SRC: variants seen among roughly 807,000 people sequenced by gnomAD.
SRC encodes proto-oncogene tyrosine-protein kinase Src.
A neutral mutation model predicts 62.9 loss-of-function variants in SRC; 13 were observed. The observed-to-expected ratio is 0.21, with a 90% CI of 0.13 to 0.33. SRC has a LOEUF of 0.33. SRC is among the 10% of genes least tolerant of loss of function. The pLI, the probability that SRC is intolerant of heterozygous loss-of-function variation, is 1.00. For synonymous variants in SRC, 302 were observed against 317.5 expected, an observed-to-expected ratio of 0.95 and a Z score of 0.52; for missense variants, 457 against 737.3, an observed-to-expected ratio of 0.62 and a Z score of 4.40.
chr20:37,354,472 TTCCA>T (rs2069851154), intron 1 of SRC, among the ~76,000 whole-genome samples: 1 of 152,216 alleles, frequency 6.6e-6, no homozygotes, highest in Non-Finnish European at 1.5e-5. Context: ...AGGGACGGAC[TTCCA>T]GGACTCAATT....
In SRC at chr20:37,396,355, A is replaced by T; in HGVS notation, c.703+44A>T. On this transcript the variant is annotated intron_variant, in intron 8 of 13. Coordinates refer to ENST00000373578, the MANE Select transcript of SRC (RefSeq NM_198291.3). This position sits in a 1 kb window ranked among gnomAD's most constrained non-coding sequence, Gnocchi z 6.1. ...GCGGAGGGCGGGCGGGCAAAGCCTCAGCTGCAGACTCTGGGGAGGGGCCTT... is the reference window on the plus strand; with the variant it reads ...GCGGAGGGCGGGCGGGCAAAGCCTCTGCTGCAGACTCTGGGGAGGGGCCTT... 6.2e-7 allele frequency: 1 copy of T among 1,605,768 alleles called. No homozygotes were observed. The highest frequency in any genetic ancestry group is 1.1e-5 in the South Asian group (1 of 90,920).
intron 1 of SRC, among the ~76,000 whole-genome samples, chr20:37,349,007 G>A (rs1568615625): frequency 6.6e-6 from 1 of 152,194 alleles, no homozygotes; most frequent in African/African-American, 2.4e-5. Context: ...GGTAGAATGA[G>A]GGGGTGTATC....
Position 37,403,206 on chromosome 20 carries a change from C to T in SRC, c.1438C>T (p.Arg480Trp), listed in dbSNP as rs1479989919. 3.8e-6 allele frequency: 6 copies of T among 1,563,676 alleles called. No individual in the cohort carries two copies. The highest frequency in any genetic ancestry group is 5.2e-6 in the Non-Finnish European group (6 of 1,158,182). The change falls in exon 14 of 14, where the codon CGG (arginine) becomes TGG (tryptophan). Residue 480 changes from arginine (R) to tryptophan (W), a missense_variant. Physicochemically the swap from Arg to Trp is moderately radical, Grantham distance 101. Coordinates refer to ENST00000373578, the MANE Select transcript of SRC (RefSeq NM_198291.3). The surrounding 1 kb of genome is among the most constrained non-coding windows in gnomAD (Gnocchi z 7.1). The stretch of plus-strand genomic sequence containing the variant: ...CCGCGAGGTGCTGGACCAGGTGGAG[C>T]GGGGCTACCGGATGCCCTGCCCGCC... ...VNREVLDQVE[R>W]GYRMPCPPEC...
chr20:37,349,762 G>T (rs1453737048), intron 1 of SRC, among the ~76,000 whole-genome samples: 1 of 152,184 alleles, frequency 6.6e-6, no homozygotes, highest in Non-Finnish European at 1.5e-5. Context: ...AGCCAAGGCC[G>T]CCAATGTGCA....
intron 1 of SRC, among the ~76,000 whole-genome samples, chr20:37,359,255 A>G (rs893624880): frequency 5.3e-5 from 8 of 152,228 alleles, no homozygotes; most frequent in African/African-American, 1.2e-4. Flanking sequence ...CCATCCCACA[A>G]ATATTTTCTG....
At chr20:37,395,170 C>T (rs191576737) in intron 7 of SRC, among the ~76,000 whole-genome samples, 26 of 152,342 alleles carry the variant, frequency 1.7e-4, no homozygotes, top group African/African-American at 2.9e-4. Flanking sequence ...TTTGAGTCCC[C>T]GGATGTGGGT....
chr20:37,393,729 G>A (rs2070591040), intron 5 of SRC, 166 bp from the exon 6 acceptor site: 1 of 586,318 alleles, frequency 1.7e-6, no homozygotes, highest in Non-Finnish European at 3.0e-6. Context: ...GGAGTTCCAG[G>A]CCAGCTGGAC....
intron 11 of SRC, 113 bp downstream of exon 11, chr20:37,401,791 GCCTCCACACTCA>G (rs2070741807): frequency 1.5e-6 from 1 of 669,206 alleles, no homozygotes; most frequent in African/African-American, 1.9e-5. Context: ...TGCCTTGATT[GCCTCCACACTCA>G]CTGATCTTGC....
intron 7 of SRC, among the ~76,000 whole-genome samples, chr20:37,395,686 C>T (rs1371822405): frequency 2.0e-5 from 3 of 152,172 alleles, no homozygotes; most frequent in African/African-American, 4.8e-5. Context: ...ACAGTGCCCC[C>T]GCAAGCTGAC....
At chr20:37,380,652 A>G (rs767240662) in intron 2 of SRC, among the ~76,000 whole-genome samples, 15 of 152,172 alleles carry the variant, frequency 9.9e-5, no homozygotes, top group Non-Finnish European at 4.4e-5. Context: ...CAGAGCACCT[A>G]GTGGGTGTCA....
chr20:37,362,516 C>T (rs1486062339), intron 1 of SRC, among the ~76,000 whole-genome samples: 6 of 152,124 alleles, frequency 3.9e-5, no homozygotes, highest in Admixed American at 6.5e-5. Flanking sequence ...GCCATTGCCC[C>T]CAGCCCACAC....
chr20:37,376,891 C>A (rs1266338087), intron 2 of SRC, among the ~76,000 whole-genome samples: 1 of 152,234 alleles, frequency 6.6e-6, no homozygotes, highest in Non-Finnish European at 1.5e-5. Context: ...TGCCCTCTGA[C>A]CCCTGTGTTG....
chr20:37,377,082 C>T lies in SRC; in HGVS notation c.-172-5537C>T, dbSNP rs143860463. 6.1e-3 allele frequency among the ~76,000 whole-genome samples: 928 copies of T among 152,324 alleles called. 9 individuals carry two copies. Among genetic ancestry groups the T allele is most frequent in the African/African-American group, 0.021 (869 of 41,564 alleles). On this transcript the variant is annotated intron_variant, in intron 2 of 13. Coordinates refer to ENST00000373578, the MANE Select transcript of SRC (RefSeq NM_198291.3). ...AAAGTGGGTGCAGTTACAGTCCCTG[C>T]GTCACTGTGCTGTTGGGTCAATTAA... is the stretch of plus-strand genomic sequence containing the variant.
At chr20:37,367,239 AT>A (rs534752899) in intron 2 of SRC, among the ~76,000 whole-genome samples, 568 of 141,396 alleles carry the variant, frequency 4.0e-3, no homozygotes, top group Non-Finnish European at 4.2e-3. Flanking sequence ...CGCCTGGCTA[AT>A]TTTTTTTTTT....
chr20:37,355,780 C>G (rs756985827), intron 1 of SRC, among the ~76,000 whole-genome samples: 1 of 151,994 alleles, frequency 6.6e-6, no homozygotes, highest in Non-Finnish European at 1.5e-5. Context: ...GAGGGTGGGC[C>G]GGGAAGAAGG....
intron 1 of SRC, among the ~76,000 whole-genome samples, chr20:37,355,703 G>A (rs1048137902): frequency 1.3e-5 from 2 of 152,198 alleles, no homozygotes; most frequent in African/African-American, 2.4e-5. Context: ...AGAGCTTCCC[G>A]GAGGAGGTGA....
At chr20:37,356,939 G>A (rs778710476) in intron 1 of SRC, among the ~76,000 whole-genome samples, 3 of 152,156 alleles carry the variant, frequency 2.0e-5, no homozygotes, top group Non-Finnish European at 2.9e-5. Context: ...CGCAAAAATG[G>A]GGGTCACACT....
intron 2 of SRC, among the ~76,000 whole-genome samples, chr20:37,372,675 T>C (rs1051065434): frequency 1.3e-5 from 2 of 152,198 alleles, no homozygotes; most frequent in African/African-American, 4.8e-5. Context: ...CTGGTATGGT[T>C]TGAATTTGCA....
chr20:37,367,123 G>A (rs1488857261), intron 2 of SRC, among the ~76,000 whole-genome samples: 2 of 148,294 alleles, frequency 1.3e-5, no homozygotes, highest in South Asian at 2.1e-4. Context: ...TTTGAGACAG[G>A]GTCTCACTCT....
Sources: allele counts gnomAD v4.1 joint callset (sites outside exome capture counted in the v4.1 genomes callset), GRCh38; gene constraint gnomAD v4.1.1; non-coding constraint Gnocchi (gnomAD v3.1); transcripts MANE v1.5; gene names NCBI Gene and HGNC (gene_info 2026-07-23, HGNC 2026-07-21).